Variants in ZMAT3 observed in about 807,000 individuals in gnomAD.
ZMAT3 encodes zinc finger matrin-type protein 3.
ZMAT3 carries 17 observed loss-of-function variants against 32.3 expected under a neutral mutation model. The observed-to-expected ratio is 0.53, with a 90% CI of 0.36 to 0.79. The LOEUF is 0.79. ZMAT3 is among the 30% of genes least tolerant of loss of function. The pLI, the probability that ZMAT3 is intolerant of heterozygous loss-of-function variation, is 0.00. For missense variants in ZMAT3, 329 were observed against 359.7 expected, an observed-to-expected ratio of 0.91 and a Z score of 0.69; for synonymous variants, 120 against 133.1, an observed-to-expected ratio of 0.90 and a Z score of 0.68.
chr3:179,049,190 CT>C (rs1411188963), intron 2 of ZMAT3, among the ~76,000 whole-genome samples: 2 of 152,162 alleles, frequency 1.3e-5, no homozygotes, highest in African/African-American at 4.8e-5. Flanking sequence ...ACTACTAGAC[CT>C]AACAAATGAG....
At chr3:179,068,197 T>A (rs1258644376) in intron 1 of ZMAT3, among the ~76,000 whole-genome samples, 1 of 152,140 alleles carries the variant, frequency 6.6e-6, no homozygotes, top group East Asian at 1.9e-4. Flanking sequence ...TTAATGATAA[T>A]CATGCACAGA....
chr3:179,034,043 C>A (rs1301272478), intron 2 of ZMAT3, among the ~76,000 whole-genome samples: 1 of 152,218 alleles, frequency 6.6e-6, no homozygotes, highest in Non-Finnish European at 1.5e-5. Context: ...ATTCCTTGAA[C>A]TGACACAAAC....
chr3:179,067,928 G>A (rs966097003), intron 1 of ZMAT3, 119 bp from the exon 2 acceptor site: 2 of 980,338 alleles, frequency 2.0e-6, no homozygotes, highest in Non-Finnish European at 2.9e-6. Flanking sequence ...ACCCATCTTT[G>A]GGACTTCTTT....
chr3:179,070,157 T>C (rs2108595354), intron 1 of ZMAT3, among the ~76,000 whole-genome samples: 1 of 152,228 alleles, frequency 6.6e-6, no homozygotes, highest in East Asian at 1.9e-4. Flanking sequence ...ATCAGCAATA[T>C]AAACAGAAAA....
At chr3:179,035,106 T>C (rs1048363114) in intron 2 of ZMAT3, among the ~76,000 whole-genome samples, 1 of 151,996 alleles carries the variant, frequency 6.6e-6, no homozygotes, top group Non-Finnish European at 1.5e-5. Flanking sequence ...CCAATGGCTT[T>C]CTGCTATACT....
At chr3:179,068,493 C>T (rs1721538347) in intron 1 of ZMAT3, among the ~76,000 whole-genome samples, 1 of 150,292 alleles carries the variant, frequency 6.7e-6, no homozygotes, top group Non-Finnish European at 1.5e-5. Flanking sequence ...GCCTGGGTGA[C>T]AGAGCAAGAC....
At chr3:179,030,263 G>C (rs550621219) in intron 3 of ZMAT3, among the ~76,000 whole-genome samples, 2 of 152,138 alleles carry the variant, frequency 1.3e-5, no homozygotes, top group Non-Finnish European at 2.9e-5. Flanking sequence ...AAATAAATGG[G>C]ATGAACTGCA....
At chr3:179,056,028 T>C (rs1004178756) in intron 2 of ZMAT3, among the ~76,000 whole-genome samples, 1 of 152,110 alleles carries the variant, frequency 6.6e-6, no homozygotes, top group Non-Finnish European at 1.5e-5. Flanking sequence ...GGAAGAAGCC[T>C]ATGAATTACT....
intron 2 of ZMAT3, among the ~76,000 whole-genome samples, chr3:179,065,398 AAATGT>A (rs1721357634): frequency 6.6e-6 from 1 of 152,204 alleles, no homozygotes; most frequent in Middle Eastern, 3.2e-3. Flanking sequence ...ACATACGCAA[AAATGT>A]AAAATAAAAG....
chr3:179,020,867 T>C lies in ZMAT3; in HGVS notation c.*4150A>G, dbSNP rs1277667717. On this transcript the variant is annotated 3_prime_UTR_variant, in exon 6 of 6. Transcript: ENST00000311417. ...GAGTGAAGGAAGATGTAACCAGACA[T>C]ACATATCTCCCTTTCTCCCTGTTCA... 6.6e-6 allele frequency: 1 copy of C among 152,248 alleles called. No homozygotes were observed. The highest frequency in any genetic ancestry group is 1.5e-5 in the Non-Finnish European group (1 of 68,048). The allele number at this position is 152,248 out of a possible 1,614,324, so 9.4% of individuals were successfully genotyped here. A position where few individuals can be genotyped will look rare whatever the true frequency, so the allele number is the denominator to read the frequency against.
intron 2 of ZMAT3, among the ~76,000 whole-genome samples, chr3:179,056,611 G>A (rs992026686): frequency 6.6e-5 from 10 of 152,176 alleles, no homozygotes; most frequent in East Asian, 3.9e-4. Context: ...GAGGGTGCCC[G>A]GGGCGAGCGC....
chr3:179,057,316 G>A (rs1720898018), intron 2 of ZMAT3, among the ~76,000 whole-genome samples: 1 of 152,188 alleles, frequency 6.6e-6, no homozygotes, highest in Non-Finnish European at 1.5e-5. Flanking sequence ...ACCAGAGGAA[G>A]CAGAGTGGTT....
At chr3:179,025,845 A>C (rs1322678154) in intron 5 of ZMAT3, among the ~76,000 whole-genome samples, 1 of 152,230 alleles carries the variant, frequency 6.6e-6, no homozygotes, top group East Asian at 1.9e-4. Context: ...GAAGTCATAC[A>C]TATGAAGAGA....
rs1442311383 is a variant in ZMAT3 at position 179,020,330 on chromosome 3, C to T, written c.*4687G>A. The T allele has an allele frequency of 6.6e-6, 1 of 152,130 alleles. No homozygotes were observed. Among genetic ancestry groups the T allele is most frequent in the African/African-American group, 2.4e-5 (1 of 41,438 alleles). 9.4% of individuals were successfully genotyped at this position (152,130 alleles called of 1,614,324 possible). A position where few individuals can be genotyped will look rare whatever the true frequency, so the allele number is the denominator to read the frequency against. On this transcript the variant is annotated 3_prime_UTR_variant, in exon 6 of 6. Transcript: ENST00000311417. ...TTCATAACGGGAAGAAAAAGTCAAA[C>T]AGCTATCAGTAGAAGCGTTTTATGA... is the stretch of plus-strand genomic sequence containing the variant.
At chr3:179,034,279 A>G (rs776263748) in intron 2 of ZMAT3, among the ~76,000 whole-genome samples, 1 of 152,230 alleles carries the variant, frequency 6.6e-6, no homozygotes, top group Non-Finnish European at 1.5e-5. Context: ...CCTCACTTCA[A>G]TACCCTAAAG....
At chr3:179,042,878 T>C (rs1350457902) in intron 2 of ZMAT3, among the ~76,000 whole-genome samples, 1 of 152,184 alleles carries the variant, frequency 6.6e-6, no homozygotes, top group Non-Finnish European at 1.5e-5. Context: ...CAGCAAAGTC[T>C]CAGATACAAA....
At position 179,019,551 on chromosome 3, in the gene ZMAT3, G is replaced by A. The variant is rs1560078766; in HGVS notation, c.*5466C>T. 6.6e-6 allele frequency: 1 copy of A among 152,084 alleles called. No homozygotes were observed. The allele number at this position is 152,084 out of a possible 1,614,324, so 9.4% of individuals were successfully genotyped here. A position where few individuals can be genotyped will look rare whatever the true frequency, so the allele number is the denominator to read the frequency against. On this transcript the variant is annotated 3_prime_UTR_variant, in exon 6 of 6. Transcript: ENST00000311417. ...AATCTAGCAGTGGTTATACTGCAAA[G>A]TTTTTTCAACTTTGATATATGTCTG...
rs752880612 is a variant in ZMAT3 at position 179,046,940 on chromosome 3, G to C, written c.271-15941C>G. Among the ~76,000 whole-genome samples, 1 of 152,112 alleles carries C rather than the reference G, an allele frequency of 6.6e-6. No homozygotes were observed. Among genetic ancestry groups the C allele is most frequent in the Non-Finnish European group, 1.5e-5 (1 of 68,030 alleles). On this transcript the variant is annotated intron_variant, in intron 2 of 5. Transcript: ENST00000311417. This position sits in a 1 kb window ranked among gnomAD's most constrained non-coding sequence, Gnocchi z 4.3. ...CCCACACTGGTGGCCGAAGACAAAG[G>C]ACATAAGCTCTTGGGAGCTCTGGGG...
intron 2 of ZMAT3, among the ~76,000 whole-genome samples, chr3:179,034,565 GT>G (rs1485224783): frequency 1.3e-5 from 2 of 152,184 alleles, no homozygotes; most frequent in Non-Finnish European, 2.9e-5. Context: ...CCATGAGTAA[GT>G]TGGTGACTCC....
Sources: allele counts gnomAD v4.1 joint callset (sites outside exome capture counted in the v4.1 genomes callset), GRCh38; gene constraint gnomAD v4.1.1; non-coding constraint Gnocchi (gnomAD v3.1); transcripts MANE v1.5; gene names NCBI Gene and HGNC (gene_info 2026-07-23, HGNC 2026-07-21).